ZNG1E: variants seen among roughly 807,000 people sequenced by gnomAD.
ZNG1E encodes the protein zinc-regulated GTPase metalloprotein activator 1E.
chr9:65,719,383 T>A, the ZNG1E span: 1 of 133,446 alleles, frequency 7.5e-6, no homozygotes, highest in East Asian at 2.0e-4. Flanking sequence ...TTTTAAGTCC[T>A]TTCCCCCTCC....
chr9:65,703,586 T>A, the ZNG1E span: 1 of 16,128 alleles, frequency 6.2e-5, no homozygotes, highest in African/African-American at 4.4e-4. Context: ...ATTAAGCTCA[T>A]TTTTTTTTTT....
At chr9:65,728,489 C>T in the ZNG1E span, among the ~76,000 whole-genome samples, 2 of 148,264 alleles carry the variant, frequency 1.3e-5, no homozygotes, top group Non-Finnish European at 3.0e-5. Flanking sequence ...CAAGATTAGC[C>T]AAGAAAAGAG....
the ZNG1E span, among the ~76,000 whole-genome samples, chr9:65,663,082 A>G: frequency 6.6e-6 from 1 of 152,300 alleles, no homozygotes; most frequent in African/African-American, 2.4e-5. Flanking sequence ...AGGCCTGTGA[A>G]CCCCCTTTTG....
At chr9:65,663,086 C>G in the ZNG1E span, among the ~76,000 whole-genome samples, 1 of 152,214 alleles carries the variant, frequency 6.6e-6, no homozygotes, top group Non-Finnish European at 1.5e-5. Flanking sequence ...CTGTGAACCC[C>G]CTTTTGCTGT....
chr9:65,679,577 A>G, the ZNG1E span: 1 of 420,942 alleles, frequency 2.4e-6, no homozygotes, highest in East Asian at 5.5e-5. Context: ...TTTTTTTGAG[A>G]TGGAGTCTCT....
At chr9:65,662,198 C>G in the ZNG1E span, among the ~76,000 whole-genome samples, 4 of 152,338 alleles carry the variant, frequency 2.6e-5, no homozygotes, top group African/African-American at 9.6e-5. Flanking sequence ...CATGCTGAAA[C>G]ATAAGACAAA....
At chr9:65,666,225 TGTGGGAGGGACCCG>T in the ZNG1E span, among the ~76,000 whole-genome samples, 1 of 150,704 alleles carries the variant, frequency 6.6e-6, no homozygotes, top group Non-Finnish European at 1.5e-5. Context: ...TCCCATGTAT[TGTGGGAGGGACCCG>T]GTGGGAGGTA....
chr9:65,732,826 A>T, the ZNG1E span: 1 of 1,491,136 alleles, frequency 6.7e-7, no homozygotes. Flanking sequence ...AACATTAAGA[A>T]ACTTCTTGTA....
At chr9:65,712,819 A>G in the ZNG1E span, among the ~76,000 whole-genome samples, 1 of 36,576 alleles carries the variant, frequency 2.7e-5, no homozygotes, top group African/African-American at 1.2e-4. Flanking sequence ...TGCTGAAAAA[A>G]ATGTATATTC....
chr9:65,731,093 AT>A, the ZNG1E span, among the ~76,000 whole-genome samples: 92 of 150,228 alleles, frequency 6.1e-4, no homozygotes, highest in African/African-American at 2.0e-3. Flanking sequence ...TTTCTTTTGT[AT>A]TTTTTTTTTA....
the ZNG1E span, among the ~76,000 whole-genome samples, chr9:65,709,442 G>A: frequency 1.4e-5 from 2 of 139,680 alleles, no homozygotes; most frequent in African/African-American, 2.8e-5. Flanking sequence ...ATGCTGGTGG[G>A]CTGCACCCAC....
the ZNG1E span, chr9:65,681,445 A>G: frequency 2.5e-6 from 4 of 1,602,246 alleles, no homozygotes; most frequent in Non-Finnish European, 3.4e-6. Flanking sequence ...CTGCATGAAT[A>G]AAATGAAAGA....
At chr9:65,710,578 G>T in the ZNG1E span, among the ~76,000 whole-genome samples, 1 of 152,086 alleles carries the variant, frequency 6.6e-6, no homozygotes, top group Non-Finnish European at 1.5e-5. Flanking sequence ...CATACGGCTA[G>T]CCAGTTTTCC....
the ZNG1E span, among the ~76,000 whole-genome samples, chr9:65,727,114 C>G: frequency 7.4e-6 from 1 of 135,746 alleles, no homozygotes; most frequent in Non-Finnish European, 1.5e-5. Context: ...CAATTATCAG[C>G]TGAGAATTTT....
chr9:65,659,494 CAAAAAAAAAAA>C, the ZNG1E span, among the ~76,000 whole-genome samples: 4 of 113,956 alleles, frequency 3.5e-5, 1 homozygote, highest in African/African-American at 1.3e-4. Context: ...GACTCCGTCT[CAAAAAAAAAAA>C]AAAAAAAAAG....
the ZNG1E span, among the ~76,000 whole-genome samples, chr9:65,728,645 T>TA: frequency 2.0e-5 from 3 of 148,112 alleles, 1 homozygote; most frequent in Non-Finnish European, 3.0e-5. Flanking sequence ...CCTGGACAGA[T>TA]ACAACCCTCC....
the ZNG1E span, among the ~76,000 whole-genome samples, chr9:65,681,258 G>T: frequency 4.7e-3 from 718 of 151,540 alleles, no homozygotes; most frequent in African/African-American, 0.017. Flanking sequence ...AGTCGATTTA[G>T]AAAGTTTACC....
chr9:65,662,607 G>A, the ZNG1E span, among the ~76,000 whole-genome samples: 4 of 151,912 alleles, frequency 2.6e-5, no homozygotes, highest in East Asian at 3.9e-4. Context: ...CTGGGAAAAC[G>A]GCAATGGATT....
the ZNG1E span, among the ~76,000 whole-genome samples, chr9:65,662,882 AAGAT>A: frequency 5.3e-5 from 8 of 152,066 alleles, no homozygotes; most frequent in South Asian, 1.5e-3. Flanking sequence ...AATATTAAAA[AAGAT>A]AGTATAGGTC....
Sources: gnomAD v4.1 joint callset for allele counts (sites outside exome capture counted in the v4.1 genomes callset) on GRCh38, gnomAD v4.1.1 for gene constraint, MANE v1.5 for transcripts, NCBI Gene and HGNC (gene_info 2026-07-23, HGNC 2026-07-21) for gene names.